SLC16A12: variants seen among roughly 807,000 people sequenced by gnomAD.
The protein encoded by SLC16A12 is monocarboxylate transporter 12.
SLC16A12 carries 17 observed loss-of-function variants against 42.4 expected under a neutral mutation model. The ratio of observed to expected loss-of-function variants is 0.40; its 90% CI spans 0.27 to 0.60. SLC16A12 has a LOEUF of 0.60. SLC16A12 is among the 20% of genes least tolerant of loss of function. The probability of loss-of-function intolerance (pLI) is 0.42; values close to 1 mark genes in which losing one functional copy is unlikely to be tolerated. For missense variants in SLC16A12, 544 were observed against 623.0 expected (o/e 0.87, Z 1.35); for synonymous variants, 224 against 229.4 (o/e 0.98, Z 0.21).
intron 2 of SLC16A12, among the ~76,000 whole-genome samples, chr10:89,491,333 T>C (rs971797359): frequency 1.3e-5 from 2 of 151,982 alleles, no homozygotes; most frequent in Non-Finnish European, 2.9e-5. Context: ...CACAGGTGTG[T>C]GCCTAGAAGG....
Position 89,446,128 on chromosome 10 carries a change from T to G in SLC16A12, c.201-2269A>C, listed in dbSNP as rs547578655. Among the ~76,000 whole-genome samples the G allele has an allele frequency of 7.2e-5, 11 of 152,328 alleles. No homozygotes were observed. The South Asian group carries it at 1.7e-3, about 23-fold the overall frequency. ...TATGTGAAAAGACCAAATCTACATT[T>G]GATTGGCGTCCCTCAAAGTGACAGG... On this transcript the variant is annotated intron_variant, in intron 3 of 7. Coordinates refer to ENST00000371790, the MANE Select transcript of SLC16A12 (RefSeq NM_213606.4).
intron 3 of SLC16A12, among the ~76,000 whole-genome samples, chr10:89,447,416 T>C (rs1371536592): frequency 6.6e-6 from 1 of 152,148 alleles, no homozygotes; most frequent in Non-Finnish European, 1.5e-5. Context: ...TCTCTCAGAC[T>C]ACAGTGCAAT....
upstream of SLC16A12, among the ~76,000 whole-genome samples, chr10:89,539,633 G>A (rs1357774375): frequency 1.3e-5 from 2 of 152,186 alleles, no homozygotes; most frequent in African/African-American, 2.4e-5. Context: ...GGGGTGTCCA[G>A]GTCAAGATAG....
chr10:89,435,299 C>T lies in SLC16A12; in HGVS notation c.1288+761G>A, dbSNP rs757602536. 3.9e-5 allele frequency among the ~76,000 whole-genome samples: 6 copies of T among 152,284 alleles called. No homozygotes were observed. The South Asian group carries it at 6.2e-4, about 16-fold the overall frequency. On this transcript the variant is annotated intron_variant, in intron 7 of 7. Transcript: ENST00000371790. ...TATTTTTCAGGCAAAGCCACTTTCT[C>T]GAATTTCCTTATTTTCTCAACCATG...
intron 1 of SLC16A12, 144 bp downstream of exon 1, chr10:89,535,298 C>T (rs1447471571): frequency 6.6e-6 from 1 of 152,280 alleles, no homozygotes; most frequent in African/African-American, 2.4e-5. Flanking sequence ...CGCGCCGACG[C>T]ACCCAAGTTA....
intron 2 of SLC16A12, among the ~76,000 whole-genome samples, chr10:89,492,501 G>A (rs1361239617): frequency 1.3e-5 from 2 of 152,036 alleles, no homozygotes; most frequent in East Asian, 1.9e-4. Flanking sequence ...AGGCTGAGGC[G>A]GGCGGATCAC....
At chr10:89,501,587 C>A (rs1312774538) in intron 2 of SLC16A12, among the ~76,000 whole-genome samples, 1 of 152,084 alleles carries the variant, frequency 6.6e-6, no homozygotes, top group Non-Finnish European at 1.5e-5. Flanking sequence ...CCCATCTATA[C>A]TAAAAATACA....
chr10:89,451,785 G>A (rs1392927297), intron 3 of SLC16A12, among the ~76,000 whole-genome samples: 2 of 152,166 alleles, frequency 1.3e-5, no homozygotes, highest in African/African-American at 4.8e-5. Flanking sequence ...TGCAATATGT[G>A]TTTCTGCAGT....
intron 2 of SLC16A12, among the ~76,000 whole-genome samples, chr10:89,481,822 T>G (rs1372762352): frequency 6.6e-6 from 1 of 152,114 alleles, no homozygotes; most frequent in Non-Finnish European, 1.5e-5. Flanking sequence ...AAAAGTCCAC[T>G]TTAGGACAAC....
intron 2 of SLC16A12, among the ~76,000 whole-genome samples, chr10:89,482,087 G>A (rs975433497): frequency 5.3e-5 from 8 of 151,912 alleles, no homozygotes; most frequent in East Asian, 3.9e-4. Context: ...TTTGAATTTC[G>A]AAAAATAATT....
At position 89,436,052 on chromosome 10, in the gene SLC16A12, A is replaced by G. The variant is rs1841780007; in HGVS notation, c.1288+8T>C. The stretch of plus-strand genomic sequence containing the variant: ...AAAGGTGGTTGGGGTTTCTCTCTGG[A>G]AACTTACCTGCGATGGGTGGGCTCA... On this transcript the variant is annotated splice_region_variant and intron_variant, in intron 7 of 7. Coordinates refer to ENST00000371790, the MANE Select transcript of SLC16A12 (RefSeq NM_213606.4). 1 of 1,613,558 alleles carries G rather than the reference A, an allele frequency of 6.2e-7. No individual in the cohort carries two copies. Among genetic ancestry groups the G allele is most frequent in the African/African-American group, 1.3e-5 (1 of 74,888 alleles).
chr10:89,438,993 A>G lies in SLC16A12; in HGVS notation c.639T>C (p.Phe213=). ...CACCACATACACAGAGATTCAAGAC[A>G]AAGCCCCCAAGAATGAGTAAGGCTC... The part of the protein sequence containing the change: ...WRGALLILGG[F]VLNLCVCGAL... Residue 213 remains phenylalanine, a synonymous_variant, in exon 6 of 8, where the codon TTT becomes TTC. Transcript: ENST00000371790. The G allele has an allele frequency of 6.2e-7, 1 of 1,614,190 alleles. No homozygotes were observed. Among genetic ancestry groups the G allele is most frequent in the Non-Finnish European group, 8.5e-7 (1 of 1,180,030 alleles).
chr10:89,447,043 C>A (rs1481276178), intron 3 of SLC16A12, among the ~76,000 whole-genome samples: 1 of 152,142 alleles, frequency 6.6e-6, no homozygotes, highest in African/African-American at 2.4e-5. Flanking sequence ...GGGATCGATT[C>A]AACAAGAAGA....
chr10:89,533,833 TA>T (rs113124054), intron 2 of SLC16A12, among the ~76,000 whole-genome samples: 134 of 145,652 alleles, frequency 9.2e-4, no homozygotes, highest in East Asian at 9.9e-4. Context: ...TCCCATCAGT[TA>T]AAAAAAAAAA....
At chr10:89,491,187 GCT>G (rs1207040368) in intron 2 of SLC16A12, among the ~76,000 whole-genome samples, 4 of 152,162 alleles carry the variant, frequency 2.6e-5, no homozygotes, top group Non-Finnish European at 4.4e-5. Context: ...TGGGGAAAGA[GCT>G]GCCTGGAGCC....
chr10:89,519,736 TG>T (rs1192550102), intron 2 of SLC16A12, among the ~76,000 whole-genome samples: 16 of 149,182 alleles, frequency 1.1e-4, no homozygotes, highest in African/African-American at 3.0e-4. Flanking sequence ...TTGCAGGGGG[TG>T]GGGGGGTCCG....
intron 4 of SLC16A12, among the ~76,000 whole-genome samples, chr10:89,443,142 T>C (rs1841941534): frequency 6.6e-6 from 1 of 152,220 alleles, no homozygotes; most frequent in Admixed American, 6.5e-5. Flanking sequence ...TCGGAGTTCC[T>C]TGAATGAAAT....
At chr10:89,442,944 G>T (rs1841936728) in intron 4 of SLC16A12, among the ~76,000 whole-genome samples, 1 of 152,160 alleles carries the variant, frequency 6.6e-6, no homozygotes, top group African/African-American at 2.4e-5. Context: ...TCATTGAAAT[G>T]AATGGATTAA....
Position 89,432,250 on chromosome 10 carries a change from T to C in SLC16A12, c.*814A>G, listed in dbSNP as rs951729882. 2 of 152,502 alleles carry C rather than the reference T, an allele frequency of 1.3e-5. No homozygotes were observed. Among genetic ancestry groups the C allele is most frequent in the Admixed American group, 1.3e-4 (2 of 15,288 alleles). 9.4% of individuals were successfully genotyped at this position (152,502 alleles called of 1,614,324 possible). A position where few individuals can be genotyped will look rare whatever the true frequency, so the allele number is the denominator to read the frequency against. On this transcript the variant is annotated 3_prime_UTR_variant, in exon 8 of 8. Transcript: ENST00000371790. ...GAGGTTGTCCTTGTGACTAAGTGTG[T>C]TCTGCTAAATTTAGAGTAAGTATTA...
Sources: allele counts gnomAD v4.1 joint callset (sites outside exome capture counted in the v4.1 genomes callset), GRCh38; gene constraint gnomAD v4.1.1; transcripts MANE v1.5; gene names NCBI Gene and HGNC (gene_info 2026-07-23, HGNC 2026-07-21).